The following APOBR variants were observed in gnomAD, a reference collection of about 807,000 sequenced individuals.
APOBR encodes apolipoprotein B receptor.
A neutral mutation model predicts 88.5 loss-of-function variants in APOBR; 57 were observed. That is an observed-to-expected ratio of 0.64 (90% confidence interval 0.52 to 0.80). The LOEUF is 0.80. APOBR is among the 30% of genes least tolerant of loss of function. The pLI, the probability that APOBR is intolerant of heterozygous loss-of-function variation, is 0.00. For synonymous variants in APOBR, 588 were observed against 572.7 expected, an observed-to-expected ratio of 1.03 and a Z score of -0.38; for missense variants, 1,443 against 1,401.6, an observed-to-expected ratio of 1.03 and a Z score of -0.47.
At position 28,496,713 on chromosome 16, in the gene APOBR, G is replaced by A. The variant is rs374018714; in HGVS notation, c.1672G>A (p.Val558Ile). ...GGAATGGGGTGGCCTCACACACAGC[G>A]TCACCAAAGGCCAAGGACCTGAGCT... is the stretch of plus-strand genomic sequence containing the variant. Reference protein sequence around the residue: ...GVEWGGLTHSVTKGQGPELMG... With the variant: ...GVEWGGLTHSITKGQGPELMG... Residue 558 changes from valine (V) to isoleucine (I), a missense_variant, in exon 2 of 4, where the codon GTC (valine) becomes ATC (isoleucine). Physicochemically the swap from Val to Ile is conservative, Grantham distance 29. Coordinates refer to ENST00000564831, the MANE Select transcript of APOBR (RefSeq NM_018690.4). The A allele has an allele frequency of 7.4e-5, 118 of 1,600,926 alleles. No individual in the cohort carries two copies. Among genetic ancestry groups the A allele is most frequent in the South Asian group, 2.1e-4 (19 of 88,818 alleles).
Position 28,498,664 on chromosome 16 carries a change from C to A in APOBR, c.*159C>A. 1.2e-6 allele frequency: 1 copy of A among 849,368 alleles called. No homozygotes were observed. The highest frequency in any genetic ancestry group is 1.8e-6 in the Non-Finnish European group (1 of 561,294). 52.6% of individuals were successfully genotyped at this position (849,368 alleles called of 1,614,324 possible). A position where few individuals can be genotyped will look rare whatever the true frequency, so the allele number is the denominator to read the frequency against. On this transcript the variant is annotated 3_prime_UTR_variant, in exon 4 of 4. Transcript: ENST00000564831. The stretch of plus-strand genomic sequence containing the variant: ...CATTCATGGAGCAGGCAAAACCAGA[C>A]GTCTGGGAAGACCGTGAACTTAAGG...
intron 3 of APOBR, 26 bp from the exon 4 acceptor site, chr16:28,498,410 C>T (rs922848447): frequency 2.5e-6 from 4 of 1,599,208 alleles, no homozygotes; most frequent in South Asian, 2.3e-5. Flanking sequence ...GGAACCTGTT[C>T]TCACGGGCCT....
In APOBR at chr16:28,496,427, G is replaced by A. The variant is rs1365083705; in HGVS notation, c.1386G>A (p.Gln462=). 1 of 1,612,380 alleles carries A rather than the reference G, an allele frequency of 6.2e-7. No homozygotes were observed. The highest frequency in any genetic ancestry group is 1.3e-5 in the African/African-American group (1 of 74,782). Residue 462 remains glutamine (Q), a synonymous_variant, in exon 2 of 4, where the codon CAG becomes CAA. Transcript: ENST00000564831. ...AGGCAGGGGAGAGCTTTGAGGGCCA[G>A]GTAGACCTGCGTGGTAAGGAGGCTG... is the stretch of plus-strand genomic sequence containing the variant. The part of the protein sequence containing the change: ...GQEAGESFEG[Q]VDLRGKEAEM...
rs1259595471 is a variant in APOBR, at chr16:28,497,267, G to T, written c.2226G>T (p.Leu742=). The change falls in exon 2 of 4, where the codon CTG becomes CTT. Residue 742 remains leucine, a synonymous_variant. Transcript: ENST00000564831. ...GAACATCCAGAAGAGGCTGGAGGCT[G>T]CAAGCGGTGGCTGTGGGCCTCCCGG... ...ADRTSRRGWR[L]QAVAVGLPDR... 6 of 1,589,798 alleles carry T rather than the reference G, an allele frequency of 3.8e-6. No homozygotes were observed. Among genetic ancestry groups the T allele is most frequent in the Non-Finnish European group, 1.7e-6 (2 of 1,168,670 alleles).
rs368137946 is a variant in APOBR at position 28,497,914 on chromosome 16, C to A, written c.2873C>A (p.Ala958Asp). The change falls in exon 2 of 4, where the codon GCT becomes GAT. Residue 958 changes from alanine (A) to aspartate (D), a missense_variant. Ala to Asp is a moderately radical substitution (Grantham distance 126). Transcript: ENST00000564831. ...CCAACACACCAGGCCCCTGCAGAAG[C>A]TGCGCCGGAGTCAGTCGGGGAAGCC... ...EQPTHQAPAE[A>D]APESVGEAET... is the part of the protein sequence containing the mutation. 1 of 1,613,622 alleles carries A rather than the reference C, an allele frequency of 6.2e-7. No individual in the cohort carries two copies. Among genetic ancestry groups the A allele is most frequent in the Admixed American group, 1.7e-5 (1 of 59,982 alleles).
At position 28,498,633 on chromosome 16, in the gene APOBR, A is replaced by T; in HGVS notation, c.*128A>T. On this transcript the variant is annotated 3_prime_UTR_variant, in exon 4 of 4. Transcript: ENST00000564831. ...CCACCCTCTGGGCCTCAGTGTCTTGATGTATCATTCATGGAGCAGGCAAAA... is the reference window on the plus strand; with the variant it reads ...CCACCCTCTGGGCCTCAGTGTCTTGTTGTATCATTCATGGAGCAGGCAAAA... The T allele has an allele frequency of 4.5e-6, 5 of 1,102,876 alleles. No homozygotes were observed. The highest frequency in any genetic ancestry group is 6.4e-6 in the Non-Finnish European group (5 of 784,572). 68.3% of individuals were successfully genotyped at this position (1,102,876 alleles called of 1,614,324 possible).
Position 28,495,124 on chromosome 16 carries a change from A to G in APOBR, c.83A>G (p.Tyr28Cys), listed in dbSNP as rs776129714. Reference protein sequence around the residue: ...ALDSLGTFVSYLLGDAVPTVE... With the variant: ...ALDSLGTFVSCLLGDAVPTVE... ...GATTCCCTCGGCACCTTTGTCTCCTACCTCCTGGGAGATGCAGTCCCCACT... is the reference window on the plus strand; with the variant it reads ...GATTCCCTCGGCACCTTTGTCTCCTGCCTCCTGGGAGATGCAGTCCCCACT... The change falls in exon 2 of 4, where the codon TAC becomes TGC. Residue 28 changes from tyrosine (Y) to cysteine (C), a missense_variant. Coordinates refer to ENST00000564831, the MANE Select transcript of APOBR (RefSeq NM_018690.4). 5.0e-5 allele frequency: 77 copies of G among 1,534,222 alleles called. No homozygotes were observed. Among genetic ancestry groups the G allele is most frequent in the Middle Eastern group, 1.7e-4 (1 of 5,734 alleles).
intron 2 of APOBR, 25 bp downstream of exon 2, chr16:28,498,021 G>A: frequency 6.4e-7 from 1 of 1,559,852 alleles, no homozygotes; most frequent in African/African-American, 1.4e-5. Flanking sequence ...TGGGGTCTCG[G>A]GGGGAACGAG....
rs1468212640 is a variant in APOBR, at chr16:28,497,371, G to T, written c.2330G>T (p.Gly777Val). 1 of 1,611,674 alleles carries T rather than the reference G, an allele frequency of 6.2e-7. No individual in the cohort carries two copies. Among genetic ancestry groups the T allele is most frequent in the Non-Finnish European group, 8.5e-7 (1 of 1,179,022 alleles). Residue 777 changes from glycine (G) to valine (V), a missense_variant, in exon 2 of 4, where the codon GGC becomes GTC. Physicochemically the swap from Gly to Val is moderately radical, Grantham distance 109. Coordinates refer to ENST00000564831, the MANE Select transcript of APOBR (RefSeq NM_018690.4). ...GTGGTCCCACACATCAGCGCTGCTG[G>T]CGCTGGTGAAGCTTTGGAAGGGGTG... ...GDVVPHISAA[G>V]AGEALEGVLG...
chr16:28,497,374 C>T lies in APOBR; in HGVS notation c.2333C>T (p.Ala778Val). The change falls in exon 2 of 4, where the codon GCT becomes GTT. Residue 778 changes from alanine (A) to valine (V), a missense_variant. Coordinates refer to ENST00000564831, the MANE Select transcript of APOBR (RefSeq NM_018690.4). ...DVVPHISAAG[A>V]GEALEGVLGQ... ...GTCCCACACATCAGCGCTGCTGGCG[C>T]TGGTGAAGCTTTGGAAGGGGTGCTT... The T allele has an allele frequency of 6.2e-7, 1 of 1,611,932 alleles. No homozygotes were observed. Among genetic ancestry groups the T allele is most frequent in the Non-Finnish European group, 8.5e-7 (1 of 1,179,078 alleles).
At position 28,495,952 on chromosome 16, in the gene APOBR, T is replaced by A; in HGVS notation, c.911T>A (p.Ile304Asn). Reference sequence around the variant, plus strand: ...TTAGATGGGGAGGAAGCCAGGACAATCTCAGGCGGGGAGGAGGCTGAGACA... The same window carrying A: ...TTAGATGGGGAGGAAGCCAGGACAAACTCAGGCGGGGAGGAGGCTGAGACA... ...AILDGEEART[I>N]SGGEEAETAS... Residue 304 changes from isoleucine (I) to asparagine (N), a missense_variant, in exon 2 of 4, where the codon ATC (isoleucine) becomes AAC (asparagine). Physicochemically the swap from Ile to Asn is moderately radical, Grantham distance 149. Transcript: ENST00000564831. The A allele has an allele frequency of 6.2e-7, 1 of 1,603,036 alleles. No homozygotes were observed. Among genetic ancestry groups the A allele is most frequent in the Non-Finnish European group, 8.5e-7 (1 of 1,179,234 alleles).
Position 28,495,133 on chromosome 16 carries a change from G to A in APOBR, c.92G>A (p.Gly31Glu). ...GGCACCTTTGTCTCCTACCTCCTGG[G>A]AGATGCAGTCCCCACTGTAGAGCGG... ...SLGTFVSYLLGDAVPTVEREA... is the reference protein window; with the variant it reads ...SLGTFVSYLLEDAVPTVEREA... Residue 31 changes from glycine (G) to glutamate (E), a missense_variant, in exon 2 of 4, where the codon GGA becomes GAA. By Grantham distance (98) the Gly-to-Glu change is moderately conservative. Transcript: ENST00000564831. 1 of 1,547,478 alleles carries A rather than the reference G, an allele frequency of 6.5e-7. No homozygotes were observed. Among genetic ancestry groups the A allele is most frequent in the Non-Finnish European group, 8.7e-7 (1 of 1,151,090 alleles).
At position 28,496,643 on chromosome 16, in the gene APOBR, G is replaced by C; in HGVS notation, c.1602G>C (p.Gly534=). Residue 534 remains glycine, a synonymous_variant, in exon 2 of 4, where the codon GGG becomes GGC. Transcript: ENST00000564831. ...CCAGGCCTGAGGAGGAGCTCACAGGGGAGGAGAGTGAGGCGGCCCAGACTA... is the reference window on the plus strand; with the variant it reads ...CCAGGCCTGAGGAGGAGCTCACAGGCGAGGAGAGTGAGGCGGCCCAGACTA... The part of the protein sequence containing the change: ...PEARPEEELT[G]EESEAAQTSC... 1 of 1,599,912 alleles carries C rather than the reference G, an allele frequency of 6.3e-7. No individual in the cohort carries two copies. The highest frequency in any genetic ancestry group is 1.1e-5 in the South Asian group (1 of 88,976).
rs768774702 is a variant in APOBR at position 28,498,324 on chromosome 16, G to A, written c.3199G>A (p.Ala1067Thr). 1 of 1,598,654 alleles carries A rather than the reference G, an allele frequency of 6.3e-7. No homozygotes were observed. The highest frequency in any genetic ancestry group is 2.2e-5 in the East Asian group (1 of 44,494). Reference sequence around the variant, plus strand: ...GAGGCATGATGGGACCCCGGTGCCAGCCAGGAGAAGGCCCCTGGGACACGG... The same window carrying A: ...GAGGCATGATGGGACCCCGGTGCCAACCAGGAGAAGGCCCCTGGGACACGG... ...PLRHDGTPVPARRRPLGHGFG... is the reference protein window; with the variant it reads ...PLRHDGTPVPTRRRPLGHGFG... Residue 1067 changes from alanine to threonine, a missense_variant, in exon 3 of 4, where the codon GCC (alanine) becomes ACC (threonine). Physicochemically the swap from Ala to Thr is moderately conservative, Grantham distance 58. Coordinates refer to ENST00000564831, the MANE Select transcript of APOBR (RefSeq NM_018690.4).
chr16:28,496,597 A>G lies in APOBR; in HGVS notation c.1556A>G (p.Asp519Gly). The G allele has an allele frequency of 6.4e-7, 1 of 1,570,790 alleles. No individual in the cohort carries two copies. The highest frequency in any genetic ancestry group is 8.6e-7 in the Non-Finnish European group (1 of 1,157,208). The change falls in exon 2 of 4, where the codon GAC (aspartate) becomes GGC (glycine). Residue 519 changes from aspartate to glycine, a missense_variant. Asp to Gly is a moderately conservative substitution (Grantham distance 94). Coordinates refer to ENST00000564831, the MANE Select transcript of APOBR (RefSeq NM_018690.4). ...PSDGEAEGTA[D>G]LEATPEARPE... ...GATGGAGAGGCTGAAGGCACTGCCG[A>G]CTTGGAGGCAACTCCAGAGGCCAGG...
chr16:28,494,909 T>A, intron 1 of APOBR, 171 bp downstream of exon 1: 1 of 841,996 alleles, frequency 1.2e-6, no homozygotes, highest in Non-Finnish European at 1.8e-6. Flanking sequence ...TGAATTTCAG[T>A]CCCCACCTCC....
At chr16:28,494,963 C>A (rs2046377712) in intron 1 of APOBR, 136 bp from the exon 2 acceptor site, 3 of 1,007,372 alleles carry the variant, frequency 3.0e-6, no homozygotes, top group East Asian at 2.7e-5. Context: ...CTTCTGGCTC[C>A]TTCTGCAAAT....
rs1400629011 is a variant in APOBR, at chr16:28,498,077, G to A, written c.2956-4G>A. Reference sequence around the variant, plus strand: ...CATGGTCCTCTGTGCCCCCTTTCCTGCAGGCCCCGCTCCCCGGGTCCCTCC... The same window carrying A: ...CATGGTCCTCTGTGCCCCCTTTCCTACAGGCCCCGCTCCCCGGGTCCCTCC... On this transcript the variant is annotated splice_polypyrimidine_tract_variant and splice_region_variant and intron_variant, in intron 2 of 3. Coordinates refer to ENST00000564831, the MANE Select transcript of APOBR (RefSeq NM_018690.4). 1 of 1,543,742 alleles carries A rather than the reference G, an allele frequency of 6.5e-7. No homozygotes were observed. Among genetic ancestry groups the A allele is most frequent in the Non-Finnish European group, 8.7e-7 (1 of 1,151,168 alleles).
At position 28,497,153 on chromosome 16, in the gene APOBR, C is replaced by A. The variant is rs368338951; in HGVS notation, c.2112C>A (p.Asp704Glu). ...EASVSENQEL[D>E]GSTGADAGPC... ...CTGTCTCAGAGAACCAGGAGCTGGA[C>A]GGAAGCACAGGGGCAGACGCAGGGC... Residue 704 changes from aspartate to glutamate, a missense_variant, in exon 2 of 4, where the codon GAC becomes GAA. Coordinates refer to ENST00000564831, the MANE Select transcript of APOBR (RefSeq NM_018690.4). 1 of 1,606,088 alleles carries A rather than the reference C, an allele frequency of 6.2e-7. No homozygotes were observed.
Sources: allele counts gnomAD v4.1 joint callset, GRCh38; gene constraint gnomAD v4.1.1; transcripts MANE v1.5; gene names NCBI Gene and HGNC (gene_info 2026-07-23, HGNC 2026-07-21).